Variants in AVL9 observed in about 807,000 individuals in gnomAD.
AVL9 encodes the protein late secretory pathway protein AVL9 homolog.
Under a neutral mutation model 79.2 loss-of-function variants are expected in AVL9, and 49 were observed. The ratio of observed to expected loss-of-function variants is 0.62; its 90% CI spans 0.49 to 0.79. AVL9 has a LOEUF of 0.79. Ranked by LOEUF, AVL9 falls within the 30% of genes least tolerant of loss-of-function variation. AVL9 has a pLI of 0.00. For synonymous variants in AVL9, 299 were observed against 280.6 expected, an observed-to-expected ratio of 1.07 and a Z score of -0.65; for missense variants, 682 against 776.8, an observed-to-expected ratio of 0.88 and a Z score of 1.45.
Position 32,580,829 on chromosome 7 carries a change from A to G in AVL9, c.1770A>G (p.Lys590=), listed in dbSNP as rs1791466090. The change falls in exon 15 of 16, where the codon AAA becomes AAG. Residue 590 remains lysine, a synonymous_variant. Coordinates refer to ENST00000318709, the MANE Select transcript of AVL9 (RefSeq NM_015060.3). The stretch of plus-strand genomic sequence containing the variant: ...CTGTTCAGAATAGTGAACGTGGCAA[A>G]AAAATTGGAAACGTCATGGTCACAA... ...SHSVQNSERG[K]KIGNVMVTTS... The G allele has an allele frequency of 1.9e-6, 3 of 1,613,902 alleles. No homozygotes were observed. Among genetic ancestry groups the G allele is most frequent in the Non-Finnish European group, 2.5e-6 (3 of 1,179,926 alleles).
At chr7:32,579,923 A>G (rs1791426835) in intron 13 of AVL9, among the ~76,000 whole-genome samples, 1 of 151,922 alleles carries the variant, frequency 6.6e-6, no homozygotes, top group Non-Finnish European at 1.5e-5. Context: ...CCCAAGACAG[A>G]CCAAATAAAT....
intron 3 of AVL9, among the ~76,000 whole-genome samples, chr7:32,546,069 C>CTTTTTT (rs57046702): frequency 1.0e-5 from 1 of 99,042 alleles, no homozygotes; most frequent in Non-Finnish European, 2.0e-5. Flanking sequence ...TACCTGGAGA[C>CTTTTTT]TTTTTTTTTT....
chr7:32,500,966 T>C (rs1273253995), intron 1 of AVL9, among the ~76,000 whole-genome samples: 1 of 152,170 alleles, frequency 6.6e-6, no homozygotes, highest in African/African-American at 2.4e-5. Flanking sequence ...TTGGTCTATA[T>C]GTCTAAAAAG....
At chr7:32,583,590 G>A (rs1791620579) in intron 15 of AVL9, among the ~76,000 whole-genome samples, 1 of 152,176 alleles carries the variant, frequency 6.6e-6, no homozygotes, top group African/African-American at 2.4e-5. Flanking sequence ...GAGGTGGGAG[G>A]ATCACTTGAG....
At chr7:32,543,068 G>A in intron 1 of AVL9, 73 bp from the exon 2 acceptor site, 2 of 1,583,444 alleles carry the variant, frequency 1.3e-6, no homozygotes, top group Non-Finnish European at 8.6e-7. Flanking sequence ...GGGTTTAAAA[G>A]CATTTTTACC....
At position 32,559,292 on chromosome 7, in the gene AVL9, A is replaced by C; in HGVS notation, c.1043A>C (p.Glu348Ala). 6.2e-7 allele frequency: 1 copy of C among 1,614,168 alleles called. No homozygotes were observed. ...VLEDPNLKER[E>A]QLGSDQTNLF... ...GAGGACCCCAACTTGAAAGAAAGGGAACAGCTGGGATCAGACCAGACAAAT... is the reference window on the plus strand; with the variant it reads ...GAGGACCCCAACTTGAAAGAAAGGGCACAGCTGGGATCAGACCAGACAAAT... The change falls in exon 10 of 16, where the codon GAA becomes GCA. Residue 348 changes from glutamate to alanine, a missense_variant. Coordinates refer to ENST00000318709, the MANE Select transcript of AVL9 (RefSeq NM_015060.3).
intron 6 of AVL9, among the ~76,000 whole-genome samples, chr7:32,553,474 C>T (rs1162894217): frequency 4.6e-5 from 7 of 152,134 alleles, no homozygotes; most frequent in Admixed American, 4.6e-4. Flanking sequence ...TGCCACATTT[C>T]AGTTGCTCTG....
At chr7:32,516,163 G>A (rs1787894656) in intron 1 of AVL9, among the ~76,000 whole-genome samples, 1 of 152,120 alleles carries the variant, frequency 6.6e-6, no homozygotes, top group African/African-American at 2.4e-5. Flanking sequence ...CACCTCTTTG[G>A]CTTTTGTGAG....
chr7:32,567,698 T>C (rs1790644855), intron 10 of AVL9, among the ~76,000 whole-genome samples: 2 of 151,648 alleles, frequency 1.3e-5, no homozygotes, highest in Non-Finnish European at 2.9e-5. Flanking sequence ...TTATTTATTT[T>C]ATTTTATTTT....
chr7:32,499,888 T>C (rs562902587), intron 1 of AVL9, among the ~76,000 whole-genome samples: 12 of 152,144 alleles, frequency 7.9e-5, no homozygotes, highest in Admixed American at 7.9e-4. Context: ...AGAATGATGG[T>C]TTCCAGCTTC....
intron 10 of AVL9, among the ~76,000 whole-genome samples, chr7:32,563,274 C>G (rs1362535741): frequency 1.3e-5 from 2 of 152,014 alleles, no homozygotes; most frequent in African/African-American, 4.8e-5. Flanking sequence ...TCAGGTGATC[C>G]ACCCACCTTG....
chr7:32,577,068 T>C (rs1390524059), intron 13 of AVL9, among the ~76,000 whole-genome samples: 1 of 152,002 alleles, frequency 6.6e-6, no homozygotes, highest in Non-Finnish European at 1.5e-5. Flanking sequence ...GCACAGTGGC[T>C]CACGCCTGTA....
intron 1 of AVL9, among the ~76,000 whole-genome samples, chr7:32,529,975 G>A (rs1028309716): frequency 1.3e-5 from 2 of 152,122 alleles, no homozygotes; most frequent in Non-Finnish European, 1.5e-5. Context: ...CTGCTGTATA[G>A]TATTTCATTA....
chr7:32,525,349 T>A (rs968351137), intron 1 of AVL9, among the ~76,000 whole-genome samples: 4 of 152,156 alleles, frequency 2.6e-5, no homozygotes, highest in Admixed American at 6.6e-5. Flanking sequence ...AGACTTTCAC[T>A]AGAATAGCAT....
rs60271681 is a variant in AVL9 at position 32,551,605 on chromosome 7, C to CTT, written c.462+200_462+201dup. On this transcript the variant is annotated intron_variant, in intron 5 of 15. Transcript: ENST00000318709. ...TGCCCAAATACTAAATTTAACCAAA[C>CTT]TTTTTTTTTTTTTTTTTTTAGGAAA... Among the ~76,000 whole-genome samples the CTT allele has an allele frequency of 1.8e-4, 17 of 93,778 alleles. No homozygotes were observed. The East Asian group carries it at 2.6e-3, about 15-fold the overall frequency. The allele number at this position is 93,778 out of a possible 152,430, so 61.5% of individuals were successfully genotyped here.
At chr7:32,577,325 C>T (rs1449994901) in intron 13 of AVL9, among the ~76,000 whole-genome samples, 2 of 152,178 alleles carry the variant, frequency 1.3e-5, no homozygotes, top group African/African-American at 4.8e-5. Flanking sequence ...GGTTCAACAC[C>T]AATTTTGGTG....
intron 1 of AVL9, among the ~76,000 whole-genome samples, chr7:32,540,412 G>C (rs1789125814): frequency 6.6e-6 from 1 of 152,100 alleles, no homozygotes; most frequent in Non-Finnish European, 1.5e-5. Context: ...GAAGTGGTTG[G>C]GGCTCTACTA....
chr7:32,587,676 C>G lies in AVL9; in HGVS notation c.*3769C>G, dbSNP rs1342321254. On this transcript the variant is annotated 3_prime_UTR_variant, in exon 16 of 16. Transcript: ENST00000318709. ...TGAGGTGCCATTTTTGGCATTTCCA[C>G]CCCGTCTCGTGGTAGCCTTTAAAAG... is the stretch of plus-strand genomic sequence containing the variant. 2 of 152,190 alleles carry G rather than the reference C, an allele frequency of 1.3e-5. No individual in the cohort carries two copies. The highest frequency in any genetic ancestry group is 2.9e-5 in the Non-Finnish European group (2 of 68,038). 9.4% of individuals were successfully genotyped at this position (152,190 alleles called of 1,614,324 possible). A position where few individuals can be genotyped will look rare whatever the true frequency, so the allele number is the denominator to read the frequency against.
chr7:32,574,190 T>A (rs995751639), intron 12 of AVL9, among the ~76,000 whole-genome samples: 6 of 152,158 alleles, frequency 3.9e-5, no homozygotes, highest in Non-Finnish European at 5.9e-5. Context: ...AATGTACAGT[T>A]CCACAGTGGC....
Sources: gnomAD v4.1 joint callset for allele counts (sites outside exome capture counted in the v4.1 genomes callset) on GRCh38, gnomAD v4.1.1 for gene constraint, MANE v1.5 for transcripts, NCBI Gene and HGNC (gene_info 2026-07-23, HGNC 2026-07-21) for gene names.